The following TEX264 variants were observed in gnomAD, a reference collection of about 807,000 sequenced individuals.
TEX264 encodes testis expressed 264, ER-phagy receptor.
A neutral mutation model predicts 23.4 loss-of-function variants in TEX264; 13 were observed. That is an observed-to-expected ratio of 0.56 (90% confidence interval 0.36 to 0.88). The LOEUF (loss-of-function observed/expected upper bound fraction) is 0.88, where lower values mean the gene tolerates loss of function less well. Among genes scored for constraint, TEX264 ranks in the 40% least tolerant of loss-of-function variants. The pLI is 0.01. For synonymous variants in TEX264, 159 were observed against 170.0 expected, an observed-to-expected ratio of 0.94 and a Z score of 0.50; for missense variants, 340 against 406.8, an observed-to-expected ratio of 0.84 and a Z score of 1.41.
At chr3:51,702,638 C>A (rs1249046437) in intron 4 of TEX264, among the ~76,000 whole-genome samples, 1 of 152,240 alleles carries the variant, frequency 6.6e-6, no homozygotes, top group Non-Finnish European at 1.5e-5. Context: ...TAACCCCTCA[C>A]CTTCTGTGAT....
At chr3:51,673,615 C>T (rs373946490) in intron 1 of TEX264, among the ~76,000 whole-genome samples, 36 of 152,290 alleles carry the variant, frequency 2.4e-4, no homozygotes, top group Middle Eastern at 3.4e-3. Flanking sequence ...CTGCTCAGGC[C>T]GCTTTGCTCT....
chr3:51,671,458 G>A (rs980977891), intron 1 of TEX264, 170 bp downstream of exon 1: 1 of 154,388 alleles, frequency 6.5e-6, no homozygotes, highest in Non-Finnish European at 1.5e-5. Flanking sequence ...CAGGTCCGAG[G>A]GCCTGGATGC....
chr3:51,697,590 G>T (rs571124725), intron 3 of TEX264, among the ~76,000 whole-genome samples: 1 of 152,226 alleles, frequency 6.6e-6, no homozygotes, highest in East Asian at 1.9e-4. Context: ...AGCTACTGGG[G>T]AAGGACCTGG....
chr3:51,691,307 G>C lies in TEX264; in HGVS notation c.480+6673G>C, dbSNP rs755567086. Among the ~76,000 whole-genome samples, 1 of 152,176 alleles carries C rather than the reference G, an allele frequency of 6.6e-6. No individual in the cohort carries two copies. The highest frequency in any genetic ancestry group is 1.5e-5 in the Non-Finnish European group (1 of 68,038). ...CCAGGCTTCCCTCCCTGGATCTCAA[G>C]GGCTGGCTTACCTGCTGGTACTGCC... On this transcript the variant is annotated intron_variant, in intron 3 of 4. Transcript: ENST00000341333. This position sits in a 1 kb window ranked among gnomAD's most constrained non-coding sequence, Gnocchi z 4.4.
intron 3 of TEX264, among the ~76,000 whole-genome samples, chr3:51,694,022 CCTTCCTTCCTTCCTTCCTTCCTT>C: frequency 1.4e-5 from 2 of 143,146 alleles, no homozygotes; most frequent in African/African-American, 5.2e-5. Context: ...TTCCTTCCTT[CCTTCCTTCCTTCCTTCCTTCCTT>C]CCTCCCTTCC....
At chr3:51,674,685 C>T in intron 2 of TEX264, 123 bp downstream of exon 2, 3 of 1,182,538 alleles carry the variant, frequency 2.5e-6, no homozygotes, top group Admixed American at 2.4e-5. Context: ...CCTGCAGACC[C>T]CTCCTCTATG....
intron 2 of TEX264, among the ~76,000 whole-genome samples, chr3:51,679,882 C>T (rs1212149212): frequency 3.9e-5 from 6 of 152,164 alleles, no homozygotes; most frequent in African/African-American, 9.7e-5. Flanking sequence ...TGCATCATCT[C>T]GTGTCCTGAC....
intron 3 of TEX264, among the ~76,000 whole-genome samples, chr3:51,697,631 C>G (rs1021348255): frequency 6.6e-6 from 1 of 152,234 alleles, no homozygotes; most frequent in Non-Finnish European, 1.5e-5. Flanking sequence ...TGCCCCTGGC[C>G]TCAGTGACCT....
Position 51,673,859 on chromosome 3 carries a change from G to A in TEX264, c.-34-412G>A, listed in dbSNP as rs76735914. 0.013 allele frequency among the ~76,000 whole-genome samples: 2,014 copies of A among 152,244 alleles called. 210 individuals carry two copies. The East Asian group carries it at 0.26, about 20-fold the overall frequency. On this transcript the variant is annotated intron_variant, in intron 1 of 4. Transcript: ENST00000341333. ...GGCTTGGGGAGGCTGGGCTGGTGGC[G>A]TGGCTCAGCTGTGGGGAGGAAGAGG...
intron 3 of TEX264, among the ~76,000 whole-genome samples, chr3:51,697,913 C>T (rs1280163729): frequency 2.6e-5 from 4 of 152,172 alleles, no homozygotes; most frequent in African/African-American, 7.2e-5. Context: ...GATTTGACTC[C>T]AACTATTAAA....
intron 3 of TEX264, among the ~76,000 whole-genome samples, chr3:51,692,411 G>A (rs780806295): frequency 9.9e-5 from 15 of 152,178 alleles, no homozygotes; most frequent in Non-Finnish European, 1.9e-4. Flanking sequence ...TATGCAGGTG[G>A]GAAGGAAAGG....
At chr3:51,681,874 A>G (rs555483583) in intron 2 of TEX264, 1 of 152,366 alleles carries the variant, frequency 6.6e-6, no homozygotes, top group East Asian at 1.9e-4. Context: ...AGCCTTGCCT[A>G]TTGGCTTGTG....
intron 3 of TEX264, among the ~76,000 whole-genome samples, chr3:51,693,258 G>GCAGGCGCAGCAGGCTGGGGTGC (rs1391992982): frequency 1.3e-5 from 2 of 152,190 alleles, no homozygotes; most frequent in Non-Finnish European, 2.9e-5. Context: ...AGTGGCGGCA[G>GCAGGCGCAGCAGGCTGGGGTGC]CAGGCGCAGC....
chr3:51,673,802 T>C (rs540859727), intron 1 of TEX264, among the ~76,000 whole-genome samples: 2 of 152,344 alleles, frequency 1.3e-5, no homozygotes, highest in African/African-American at 4.8e-5. Flanking sequence ...ACCCTAGCAT[T>C]TGCCAGTCCT....
intron 2 of TEX264, among the ~76,000 whole-genome samples, chr3:51,679,369 C>A (rs1365720502): frequency 1.3e-5 from 2 of 152,174 alleles, no homozygotes; most frequent in East Asian, 3.9e-4. Context: ...CTTTTAGGGA[C>A]CCTGCCTGCC....
intron 2 of TEX264, among the ~76,000 whole-genome samples, chr3:51,677,103 G>A (rs766896603): frequency 2.0e-5 from 3 of 152,220 alleles, no homozygotes; most frequent in Non-Finnish European, 4.4e-5. Flanking sequence ...TCACAGACTG[G>A]TCCGGAAGGA....
chr3:51,679,698 G>A (rs1702356512), intron 2 of TEX264, among the ~76,000 whole-genome samples: 2 of 152,222 alleles, frequency 1.3e-5, no homozygotes, highest in Non-Finnish European at 2.9e-5. Context: ...GGAAAGTGGT[G>A]AGTGCCTGGT....
At chr3:51,702,294 C>T (rs1403845526) in intron 4 of TEX264, among the ~76,000 whole-genome samples, 2 of 152,184 alleles carry the variant, frequency 1.3e-5, no homozygotes, top group African/African-American at 4.8e-5. Flanking sequence ...AAACTTAAAG[C>T]TCCCCCAGCT....
intron 1 of TEX264, among the ~76,000 whole-genome samples, chr3:51,673,795 C>T (rs1038663460): frequency 1.3e-5 from 2 of 152,192 alleles, no homozygotes; most frequent in Non-Finnish European, 2.9e-5. Context: ...TGTTTGGACC[C>T]TAGCATTTGC....
Sources: allele counts gnomAD v4.1 joint callset (sites outside exome capture counted in the v4.1 genomes callset), GRCh38; gene constraint gnomAD v4.1.1; non-coding constraint Gnocchi (gnomAD v3.1); transcripts MANE v1.5; gene names NCBI Gene and HGNC (gene_info 2026-07-23, HGNC 2026-07-21).